Variants in PCDH15 observed in about 807,000 individuals in gnomAD.
The protein encoded by PCDH15 is protocadherin-15.
In PCDH15, 129 loss-of-function variants were observed where a neutral mutation model predicts 178.5. The observed-to-expected ratio is 0.72, with a 90% CI of 0.63 to 0.84. The LOEUF is 0.84. Ranked by LOEUF, PCDH15 falls within the 40% of genes least tolerant of loss-of-function variation. The probability of loss-of-function intolerance (pLI) is 0.00; values close to 1 mark genes in which losing one functional copy is unlikely to be tolerated. For missense variants in PCDH15, 2,230 were observed against 2,099.9 expected, an observed-to-expected ratio of 1.06 and a Z score of -1.21; for synonymous variants, 800 against 732.0, an observed-to-expected ratio of 1.09 and a Z score of -1.50.
chr10:54,411,387 A>G (rs73238709), intron 3 of PCDH15, among the ~76,000 whole-genome samples: 3,501 of 152,264 alleles, frequency 0.023, 105 homozygotes, highest in African/African-American at 0.074. Context: ...AATAAAATTA[A>G]AAGACCAGTA....
At chr10:54,315,914 T>C (rs2061230605) in intron 8 of PCDH15, among the ~76,000 whole-genome samples, 1 of 149,436 alleles carries the variant, frequency 6.7e-6, no homozygotes, top group African/African-American at 2.5e-5. Context: ...ATGTTCACCA[T>C]CTTTAATAGT....
chr10:54,597,971 C>T (rs1213675271), intron 2 of PCDH15, among the ~76,000 whole-genome samples: 2 of 152,044 alleles, frequency 1.3e-5, no homozygotes, highest in Non-Finnish European at 2.9e-5. Context: ...ATAACAAATG[C>T]TGAAATTGAA....
chr10:53,950,522 T>A (rs967702823), intron 23 of PCDH15, among the ~76,000 whole-genome samples: 11 of 152,162 alleles, frequency 7.2e-5, no homozygotes, highest in Admixed American at 6.5e-4. Context: ...TTTTGATAAA[T>A]TGTGTAATAT....
chr10:54,081,233 A>G (rs1284646878), intron 16 of PCDH15, among the ~76,000 whole-genome samples: 1 of 151,976 alleles, frequency 6.6e-6, no homozygotes, highest in Non-Finnish European at 1.5e-5. Flanking sequence ...ATTCCTCAGC[A>G]TGTTCAGAAT....
chr10:54,600,788 G>A, intron 2 of PCDH15: 1 of 428,202 alleles, frequency 2.3e-6, no homozygotes, highest in Non-Finnish European at 4.4e-6. Flanking sequence ...TCCAGACATT[G>A]TATTTTACTT....
intron 26 of PCDH15, among the ~76,000 whole-genome samples, chr10:53,868,943 G>T (rs1303951401): frequency 6.6e-6 from 1 of 152,116 alleles, no homozygotes; most frequent in Non-Finnish European, 1.5e-5. Context: ...GTCAGCCTCT[G>T]AGTAGCTGGG....
At chr10:53,874,766 T>C (rs1010449073) in intron 26 of PCDH15, among the ~76,000 whole-genome samples, 11 of 151,902 alleles carry the variant, frequency 7.2e-5, no homozygotes, top group Non-Finnish European at 1.3e-4. Flanking sequence ...CATAACAACA[T>C]AGACTTTAAA....
Position 55,467,966 on chromosome 10 carries a change from C to CAAAAAAAA in PCDH15, c.-156+159651_-156+159658dup, listed in dbSNP as rs71463104. Among the ~76,000 whole-genome samples the CAAAAAAAA allele has an allele frequency of 2.2e-4, 8 of 36,638 alleles. 1 individual carries two copies. Among genetic ancestry groups the CAAAAAAAA allele is most frequent in the African/African-American group, 4.6e-4 (3 of 6,590 alleles). 24.0% of individuals were successfully genotyped at this position (36,638 alleles called of 152,430 possible). ...TGGGCGATAGAGCCAGACTCCGTCT[C>CAAAAAAAA]AAAAAAAAAAAAAAAAAAAAAAAAA... On this transcript the variant is annotated intron_variant, in intron 2 of 5. Coordinates refer to the PCDH15 transcript ENST00000613346.
At chr10:54,820,842 T>C (rs1166354703) in intron 3 of PCDH15, among the ~76,000 whole-genome samples, 2 of 152,040 alleles carry the variant, frequency 1.3e-5, no homozygotes, top group Non-Finnish European at 2.9e-5. Flanking sequence ...ATTAATTCCA[T>C]TATGGCAAAA....
In PCDH15 at chr10:54,278,543, C is replaced by T. The variant is rs564560713; in HGVS notation, c.876+38728G>A. Among the ~76,000 whole-genome samples the T allele has an allele frequency of 6.0e-4, 91 of 151,584 alleles. 2 individuals are homozygous for T. The highest frequency in any genetic ancestry group is 2.1e-3 in the African/African-American group (87 of 41,440). On this transcript the variant is annotated intron_variant, in intron 8 of 37. Transcript: ENST00000644397. ...CACTATTAAGATGATGGTAAATTAG[C>T]AGTCCAAGAGATCATGGTCCTGAAA...
chr10:54,169,807 G>A (rs1747332972), intron 13 of PCDH15, among the ~76,000 whole-genome samples: 2 of 151,928 alleles, frequency 1.3e-5, no homozygotes, highest in South Asian at 4.2e-4. Context: ...CTACAGCATG[G>A]CCTTTTAAAG....
intron 2 of PCDH15, among the ~76,000 whole-genome samples, chr10:54,929,643 A>G (rs769630780): frequency 6.6e-6 from 1 of 152,142 alleles, no homozygotes; most frequent in Non-Finnish European, 1.5e-5. Context: ...TGTACCCTTT[A>G]CAACTGACAG....
chr10:54,117,370 C>G (rs934113305), intron 15 of PCDH15, among the ~76,000 whole-genome samples: 5 of 152,030 alleles, frequency 3.3e-5, no homozygotes, highest in Non-Finnish European at 5.9e-5. Context: ...TTGGAGATGC[C>G]AGGAACTGCA....
In PCDH15 at chr10:54,881,033, T is replaced by C. The variant is rs907387215; in HGVS notation, c.-29+16417A>G. On this transcript the variant is annotated intron_variant, in intron 3 of 5. Coordinates refer to the PCDH15 transcript ENST00000458638. ...TTTCCTCGGAGATTTCAGATGGATA[T>C]ACATAGGAAGGCTTGAATTTAAGCT... 5.3e-5 allele frequency among the ~76,000 whole-genome samples: 8 copies of C among 152,082 alleles called. No individual in the cohort carries two copies. The South Asian group carries it at 1.7e-3, about 31-fold the overall frequency.
At chr10:54,262,788 CT>C (rs2057410138) in intron 8 of PCDH15, among the ~76,000 whole-genome samples, 1 of 152,200 alleles carries the variant, frequency 6.6e-6, no homozygotes, top group Non-Finnish European at 1.5e-5. Context: ...ATGGTCGTAG[CT>C]TTTTTTCCAG....
chr10:55,061,333 A>G (rs1318129910), intron 2 of PCDH15, among the ~76,000 whole-genome samples: 1 of 152,196 alleles, frequency 6.6e-6, no homozygotes, highest in Non-Finnish European at 1.5e-5. Context: ...ATCACAAAGG[A>G]AATGCAAATT....
intron 3 of PCDH15, among the ~76,000 whole-genome samples, chr10:54,829,244 G>T (rs1953182694): frequency 6.6e-6 from 1 of 151,966 alleles, no homozygotes; most frequent in Non-Finnish European, 1.5e-5. Context: ...TGGTTGTGAA[G>T]TGGAAGCAGA....
chr10:54,007,997 A>T (rs1385273985), intron 20 of PCDH15, among the ~76,000 whole-genome samples: 1 of 152,134 alleles, frequency 6.6e-6, no homozygotes, highest in African/African-American at 2.4e-5. Flanking sequence ...TTCTTCTCTT[A>T]AAAAAAGGAT....
intron 2 of PCDH15, among the ~76,000 whole-genome samples, chr10:54,643,881 A>G (rs1163434087): frequency 1.3e-5 from 2 of 149,366 alleles, no homozygotes; most frequent in Admixed American, 6.7e-5. Context: ...GGTTAGTTAC[A>G]TATGTATACA....
Sources: allele counts gnomAD v4.1 joint callset (sites outside exome capture counted in the v4.1 genomes callset), GRCh38; gene constraint gnomAD v4.1.1; transcripts MANE v1.5; gene names NCBI Gene and HGNC (gene_info 2026-07-23, HGNC 2026-07-21).